SIPA1L3: variants seen among roughly 807,000 people sequenced by gnomAD.
The protein encoded by SIPA1L3 is signal-induced proliferation-associated 1-like protein 3.
In SIPA1L3, 59 loss-of-function variants were observed where a neutral mutation model predicts 150.1. That is an observed-to-expected ratio of 0.39 (90% CI 0.32 to 0.49). SIPA1L3 has a LOEUF of 0.49. Among genes scored for constraint, SIPA1L3 ranks in the 20% least tolerant of loss-of-function variants. The pLI is 0.86. For synonymous variants in SIPA1L3, 1,070 were observed against 1,077.6 expected (o/e 0.99, Z 0.14); for missense variants, 2,211 against 2,489.5 (o/e 0.89, Z 2.38).
chr19:38,035,541 C>T (rs145366782), intron 2 of SIPA1L3, among the ~76,000 whole-genome samples: 3 of 152,236 alleles, frequency 2.0e-5, no homozygotes, highest in East Asian at 1.9e-4. Context: ...CACAGCTTTC[C>T]GGAATCCAGC....
chr19:37,997,532 C>T (rs1386586438), intron 1 of SIPA1L3, among the ~76,000 whole-genome samples: 3 of 137,236 alleles, frequency 2.2e-5, no homozygotes, highest in Non-Finnish European at 1.5e-5. Flanking sequence ...TGTGCCACTG[C>T]ACTCCAGCCT....
chr19:38,193,913 G>T, intron 18 of SIPA1L3, 133 bp downstream of exon 18: 8 of 1,071,016 alleles, frequency 7.5e-6, no homozygotes, highest in South Asian at 1.9e-5. Context: ...GGAGGAATGG[G>T]GTTCACAGGA....
Position 38,206,295 on chromosome 19 carries a change from CCT to C in SIPA1L3, c.*61_*62del. ...TTCCCCTCAGGCCGTGGCCCTGCTG[CCT>C]CTCTCCCTCCACTCAGCTCCCAGCT... On this transcript the variant is annotated 3_prime_UTR_variant, in exon 22 of 22. Coordinates refer to ENST00000222345, the MANE Select transcript of SIPA1L3 (RefSeq NM_015073.3). The C allele has an allele frequency of 2.0e-6, 3 of 1,489,706 alleles. No homozygotes were observed. The highest frequency in any genetic ancestry group is 2.7e-6 in the Non-Finnish European group (3 of 1,111,402). The allele number at this position is 1,489,706 out of a possible 1,614,324, so 92.3% of individuals were successfully genotyped here.
rs62120138 is a variant in SIPA1L3 at position 37,993,394 on chromosome 19, C to T, written c.-378-35695C>T. On this transcript the variant is annotated intron_variant, in intron 1 of 21. Coordinates refer to ENST00000222345, the MANE Select transcript of SIPA1L3 (RefSeq NM_015073.3). ...TTGCCCAGGCTGGAGTGCGGTGGCGCGATCTCGGCTCACTGCAACCTCCGC... is the reference window on the plus strand; with the variant it reads ...TTGCCCAGGCTGGAGTGCGGTGGCGTGATCTCGGCTCACTGCAACCTCCGC... Among the ~76,000 whole-genome samples, 5 of 152,236 alleles carry T rather than the reference C, an allele frequency of 3.3e-5. No homozygotes were observed. In the South Asian group the frequency reaches 6.2e-4, roughly 19 times the overall value.
intron 2 of SIPA1L3, among the ~76,000 whole-genome samples, chr19:38,071,955 A>T (rs1399644454): frequency 6.6e-6 from 1 of 152,232 alleles, no homozygotes; most frequent in African/African-American, 2.4e-5. Context: ...GTAAGTGGTG[A>T]TGTCAAGTAA....
At chr19:38,097,325 G>A (rs143328238) in intron 4 of SIPA1L3, among the ~76,000 whole-genome samples, 53 of 152,130 alleles carry the variant, frequency 3.5e-4, no homozygotes, top group Non-Finnish European at 5.3e-4. Context: ...TTCCAGCCTG[G>A]GCAACAGAGT....
At chr19:38,065,063 AT>A (rs1969541574) in intron 2 of SIPA1L3, among the ~76,000 whole-genome samples, 1 of 152,238 alleles carries the variant, frequency 6.6e-6, no homozygotes, top group East Asian at 1.9e-4. Flanking sequence ...GTGTAATCAT[AT>A]GAACATTTAA....
Position 38,201,984 on chromosome 19 carries a change from A to C in SIPA1L3, c.5107A>C (p.Thr1703Pro), listed in dbSNP as rs1223484702. 1.2e-6 allele frequency: 2 copies of C among 1,611,060 alleles called. No homozygotes were observed. Among genetic ancestry groups the C allele is most frequent in the East Asian group, 2.2e-5 (1 of 44,802 alleles). The change falls in exon 20 of 22, where the codon ACC becomes CCC. Residue 1703 changes from threonine to proline, a missense_variant. By Grantham distance (38) the Thr-to-Pro change is conservative. Coordinates refer to ENST00000222345, the MANE Select transcript of SIPA1L3 (RefSeq NM_015073.3). ...LERGPPTPRT[T>P]PTMSEEPPLD... is the part of the protein sequence containing the mutation. ...GAGGGGACCCCCGACCCCCAGGACCACCCCTACCATGAGGTGAGGTTTCCC... is the reference window on the plus strand; with the variant it reads ...GAGGGGACCCCCGACCCCCAGGACCCCCCCTACCATGAGGTGAGGTTTCCC...
intron 2 of SIPA1L3, among the ~76,000 whole-genome samples, chr19:38,030,642 ATATATATATG>A (rs1348115034): frequency 1.1e-4 from 8 of 75,308 alleles, no homozygotes; most frequent in Admixed American, 3.5e-4. Flanking sequence ...ATATATATAT[ATATATATATG>A]GCAAATACTT....
Position 38,164,577 on chromosome 19 carries a change from CCTGGAGCCA to C in SIPA1L3, c.3880_3888del (p.Leu1294_Pro1296del). ...ACCGCTGGTTCGACCCCCTGGACCC[CCTGGAGCCA>C]GAGCAAGACCCCCTCTCCAAGGGTG... is the stretch of plus-strand genomic sequence containing the variant. On this transcript the variant is annotated inframe_deletion, in exon 15 of 22. Coordinates refer to ENST00000222345, the MANE Select transcript of SIPA1L3 (RefSeq NM_015073.3). The surrounding 1 kb of genome is among the most constrained non-coding windows in gnomAD (Gnocchi z 4.1). 6.2e-7 allele frequency: 1 copy of C among 1,614,112 alleles called. No homozygotes were observed. The highest frequency in any genetic ancestry group is 8.5e-7 in the Non-Finnish European group (1 of 1,180,012).
chr19:38,082,116 C>T lies in SIPA1L3; in HGVS notation c.551C>T (p.Ala184Val), dbSNP rs747791015. The T allele has an allele frequency of 1.3e-5, 21 of 1,607,376 alleles. No individual in the cohort carries two copies. Among genetic ancestry groups the T allele is most frequent in the Non-Finnish European group, 1.7e-5 (20 of 1,179,106 alleles). ...CTCAGCGAGTGTGACGCGGAGGACGCGGGGGAGCCGCGGGGGGCCCGGCAC... is the reference window on the plus strand; with the variant it reads ...CTCAGCGAGTGTGACGCGGAGGACGTGGGGGAGCCGCGGGGGGCCCGGCAC... ...ITLSECDAED[A>V]GEPRGARHTG... Residue 184 changes from alanine (A) to valine (V), a missense_variant, in exon 3 of 22, where the codon GCG (alanine) becomes GTG (valine). Around this residue, in one of 5 missense-constraint regions of SIPA1L3, gnomAD observed 587 missense variants for 534.5 expected, o/e 1.10. Transcript: ENST00000222345.
At chr19:38,023,067 C>T (rs962381368) in intron 1 of SIPA1L3, among the ~76,000 whole-genome samples, 51 of 152,352 alleles carry the variant, frequency 3.3e-4, no homozygotes, top group African/African-American at 1.2e-3. Context: ...GGAATGGCCA[C>T]ACAGCATTTT....
rs193002736 is a variant in SIPA1L3, at chr19:37,965,719, C to G, written c.-379+58361C>G. Among the ~76,000 whole-genome samples the G allele has an allele frequency of 4.2e-3, 643 of 151,734 alleles. 8 individuals carry two copies. The highest frequency in any genetic ancestry group is 0.013 in the African/African-American group (539 of 41,250). On this transcript the variant is annotated intron_variant, in intron 1 of 21. Transcript: ENST00000222345. ...TGTCTTCTACCCACCTCCCTGCCCCCACCCCTAGTCCCTGCATTCTAGATT... is the reference window on the plus strand; with the variant it reads ...TGTCTTCTACCCACCTCCCTGCCCCGACCCCTAGTCCCTGCATTCTAGATT...
At chr19:38,153,395 C>T (rs527895431) in intron 13 of SIPA1L3, among the ~76,000 whole-genome samples, 27 of 152,214 alleles carry the variant, frequency 1.8e-4, no homozygotes, top group Admixed American at 1.6e-3. Flanking sequence ...CATGGCCAGG[C>T]GGGGTGGCTC....
At chr19:37,924,782 C>T (rs1210230684) in intron 1 of SIPA1L3, among the ~76,000 whole-genome samples, 1 of 151,986 alleles carries the variant, frequency 6.6e-6, no homozygotes, top group Non-Finnish European at 1.5e-5. Context: ...GGTGTGGTGG[C>T]TCACGCCTGT....
At chr19:38,056,471 A>G (rs908825324) in intron 2 of SIPA1L3, among the ~76,000 whole-genome samples, 6 of 151,932 alleles carry the variant, frequency 3.9e-5, no homozygotes, top group Middle Eastern at 3.2e-3. Flanking sequence ...CACCCCTTCC[A>G]TGCCATCTTC....
chr19:38,085,266 G>A (rs1219569204), intron 3 of SIPA1L3, among the ~76,000 whole-genome samples: 1 of 151,748 alleles, frequency 6.6e-6, no homozygotes, highest in Non-Finnish European at 1.5e-5. Flanking sequence ...TGATCACAAG[G>A]TCAGGAGATT....
intron 13 of SIPA1L3, among the ~76,000 whole-genome samples, chr19:38,159,801 T>C (rs1341606153): frequency 2.0e-5 from 3 of 152,108 alleles, no homozygotes; most frequent in Admixed American, 2.0e-4. Flanking sequence ...GTATGCAGAG[T>C]GCTTACCATA....
At chr19:37,926,475 C>A (rs1489107362) in intron 1 of SIPA1L3, among the ~76,000 whole-genome samples, 1 of 152,212 alleles carries the variant, frequency 6.6e-6, no homozygotes, top group East Asian at 1.9e-4. Context: ...TTTGGTGTGA[C>A]TCACATGGTG....
Sources: gnomAD v4.1 joint callset for allele counts (sites outside exome capture counted in the v4.1 genomes callset) on GRCh38, gnomAD v4.1.1 for gene constraint, gnomAD v4.1.1 regional missense constraint, Gnocchi (gnomAD v3.1) non-coding constraint, MANE v1.5 for transcripts, NCBI Gene and HGNC (gene_info 2026-07-23, HGNC 2026-07-21) for gene names.